RAMP3: variants seen among roughly 807,000 people sequenced by gnomAD.
RAMP3 encodes receptor activity modifying protein 3, also known as receptor activity-modifying protein 3.
Under a neutral mutation model 13.5 loss-of-function variants are expected in RAMP3, and 14 were observed. That is an observed-to-expected ratio of 1.04 (90% CI 0.69 to 1.63). The LOEUF is 1.63. Ranked by LOEUF, RAMP3 falls within the 40% of genes most tolerant of loss-of-function variation. The probability of loss-of-function intolerance (pLI) is 0.00; values close to 1 mark genes in which losing one functional copy is unlikely to be tolerated. For synonymous variants in RAMP3, 106 were observed against 88.3 expected, an observed-to-expected ratio of 1.20 and a Z score of -1.12; for missense variants, 200 against 204.8, an observed-to-expected ratio of 0.98 and a Z score of 0.14.
chr7:45,177,584 C>G (rs1484256523), intron 2 of RAMP3, 143 bp downstream of exon 2: 2 of 1,257,008 alleles, frequency 1.6e-6, no homozygotes, highest in Admixed American at 4.4e-5. Context: ...CACCCACAGC[C>G]CTTTCATGTG....
chr7:45,171,878 C>G (rs555216002), intron 1 of RAMP3, among the ~76,000 whole-genome samples: 6 of 152,386 alleles, frequency 3.9e-5, no homozygotes, highest in African/African-American at 1.2e-4. Context: ...TTACAGCCTG[C>G]CTCTTCCCCT....
rs138974886 is a variant in RAMP3, at chr7:45,172,662, G to T, written c.59-4647G>T. Among the ~76,000 whole-genome samples, 101 of 152,306 alleles carry T rather than the reference G, an allele frequency of 6.6e-4. 1 individual carries two copies. Among genetic ancestry groups the T allele is most frequent in the African/African-American group, 2.2e-3 (92 of 41,570 alleles). ...GGCTAATTTTTGTATTTTTAGTAGA[G>T]ACAGGGTTTCACCTTGTTGGGTCTT... On this transcript the variant is annotated intron_variant, in intron 1 of 2. Coordinates refer to ENST00000242249, the MANE Select transcript of RAMP3 (RefSeq NM_005856.3).
intron 2 of RAMP3, among the ~76,000 whole-genome samples, chr7:45,178,623 G>A (rs1222335419): frequency 6.6e-6 from 1 of 152,236 alleles, no homozygotes; most frequent in Non-Finnish European, 1.5e-5. Flanking sequence ...AAGGGGTGCT[G>A]GGATTCAGGA....
intron 2 of RAMP3, among the ~76,000 whole-genome samples, chr7:45,180,393 G>T (rs2267678): frequency 0.063 from 9,638 of 152,300 alleles, 356 homozygotes; most frequent in East Asian, 0.1. Flanking sequence ...CTGAAGCAGG[G>T]TGGGCCTTGG....
intron 1 of RAMP3, among the ~76,000 whole-genome samples, chr7:45,169,917 C>T (rs1334249727): frequency 6.6e-6 from 1 of 152,166 alleles, no homozygotes; most frequent in East Asian, 1.9e-4. Flanking sequence ...AGGGGAGATG[C>T]AATTCATTCC....
chr7:45,160,280 C>T (rs763662326), intron 1 of RAMP3, among the ~76,000 whole-genome samples: 1 of 125,318 alleles, frequency 8.0e-6, no homozygotes, highest in Non-Finnish European at 1.6e-5. Context: ...TGCAGTGAGC[C>T]GAGATCATGC....
intron 1 of RAMP3, among the ~76,000 whole-genome samples, chr7:45,167,323 T>A (rs1345791263): frequency 6.6e-6 from 1 of 152,180 alleles, no homozygotes; most frequent in South Asian, 2.1e-4. Context: ...CTTTGGCAAG[T>A]GTATATCCAG....
intron 2 of RAMP3, 32 bp from the exon 3 acceptor site, chr7:45,183,125 G>C: frequency 6.2e-7 from 1 of 1,602,804 alleles, no homozygotes. Context: ...GGGATGGCGA[G>C]AGCCTGGCTT....
intron 1 of RAMP3, among the ~76,000 whole-genome samples, chr7:45,168,782 T>C (rs1273818743): frequency 6.6e-6 from 1 of 152,232 alleles, no homozygotes. Flanking sequence ...TCTTGCTTAA[T>C]TGCTCTGGCT....
chr7:45,176,145 G>A (rs1433751407), intron 1 of RAMP3, among the ~76,000 whole-genome samples: 1 of 152,160 alleles, frequency 6.6e-6, no homozygotes, highest in Non-Finnish European at 1.5e-5. Context: ...TCCTTGTGAG[G>A]TGGGGCCTGT....
intron 2 of RAMP3, among the ~76,000 whole-genome samples, chr7:45,177,902 G>C (rs1423755474): frequency 6.6e-6 from 1 of 152,220 alleles, no homozygotes; most frequent in Non-Finnish European, 1.5e-5. Flanking sequence ...TGCCCTGGGA[G>C]TGTCCAGTTC....
intron 1 of RAMP3, among the ~76,000 whole-genome samples, chr7:45,175,685 T>C (rs1251682690): frequency 6.6e-6 from 1 of 152,142 alleles, no homozygotes; most frequent in African/African-American, 2.4e-5. Context: ...CTGTATGTGC[T>C]CCAGGTGTTC....
intron 2 of RAMP3, among the ~76,000 whole-genome samples, 187 bp downstream of exon 2, chr7:45,177,628 C>T (rs1238629970): frequency 6.6e-6 from 1 of 152,156 alleles, no homozygotes; most frequent in East Asian, 1.9e-4. Context: ...CCCAACCACG[C>T]TCCTATTCAC....
At chr7:45,172,649 T>C (rs1218114321) in intron 1 of RAMP3, among the ~76,000 whole-genome samples, 1 of 152,180 alleles carries the variant, frequency 6.6e-6, no homozygotes, top group Non-Finnish European at 1.5e-5. Context: ...CTAATTTTTG[T>C]ATTTTTAGTA....
intron 1 of RAMP3, among the ~76,000 whole-genome samples, chr7:45,161,793 G>A (rs1235222991): frequency 6.6e-6 from 1 of 152,072 alleles, no homozygotes; most frequent in African/African-American, 2.4e-5. Flanking sequence ...CCAGGTCTAG[G>A]GGTTCAGATT....
chr7:45,167,418 G>A (rs1785988222), intron 1 of RAMP3, among the ~76,000 whole-genome samples: 1 of 152,172 alleles, frequency 6.6e-6, no homozygotes, highest in Non-Finnish European at 1.5e-5. Context: ...TTTATCATAA[G>A]TGTGAGGGTG....
chr7:45,168,585 C>A (rs957268823), intron 1 of RAMP3, among the ~76,000 whole-genome samples: 2 of 151,810 alleles, frequency 1.3e-5, no homozygotes, highest in African/African-American at 2.4e-5. Flanking sequence ...CACAGAAATA[C>A]AACTTATTTT....
intron 1 of RAMP3, among the ~76,000 whole-genome samples, chr7:45,161,509 C>T (rs562994887): frequency 4.4e-4 from 66 of 151,186 alleles, no homozygotes; most frequent in African/African-American, 1.5e-3. Flanking sequence ...TAGGAACAGC[C>T]ATGACTTGGG....
At chr7:45,176,869 G>A (rs1252219510) in intron 1 of RAMP3, among the ~76,000 whole-genome samples, 1 of 152,204 alleles carries the variant, frequency 6.6e-6, no homozygotes, top group Non-Finnish European at 1.5e-5. Context: ...TACTGGCCTG[G>A]AGCCCTCCTC....
Sources: gnomAD v4.1 joint callset for allele counts (sites outside exome capture counted in the v4.1 genomes callset) on GRCh38, gnomAD v4.1.1 for gene constraint, MANE v1.5 for transcripts, NCBI Gene and HGNC (gene_info 2026-07-23, HGNC 2026-07-21) for gene names.